The following RASSF8 variants were observed in gnomAD, a reference collection of about 807,000 sequenced individuals.
The protein encoded by RASSF8 is ras association domain-containing protein 8.
RASSF8 carries 22 observed loss-of-function variants against 48.5 expected under a neutral mutation model. The observed-to-expected ratio is 0.45, with a 90% CI of 0.32 to 0.65. The LOEUF is 0.65. Ranked by LOEUF, RASSF8 falls within the 30% of genes least tolerant of loss-of-function variation. The pLI, the probability that RASSF8 is intolerant of heterozygous loss-of-function variation, is 0.03. For missense variants in RASSF8, 418 were observed against 489.2 expected, an observed-to-expected ratio of 0.85 and a Z score of 1.37; for synonymous variants, 127 against 171.5, an observed-to-expected ratio of 0.74 and a Z score of 2.03.
At chr12:25,991,934 T>G (rs551424332) in intron 1 of RASSF8, among the ~76,000 whole-genome samples, 1 of 152,348 alleles carries the variant, frequency 6.6e-6, no homozygotes, top group South Asian at 2.1e-4. Context: ...TTACCAAAAA[T>G]AATATAATTA....
At chr12:25,984,882 A>AC (rs1941835723) in intron 1 of RASSF8, among the ~76,000 whole-genome samples, 1 of 152,220 alleles carries the variant, frequency 6.6e-6, no homozygotes, top group Non-Finnish European at 1.5e-5. Flanking sequence ...GGCAGGATTA[A>AC]CACAGGCAAT....
intron 1 of RASSF8, among the ~76,000 whole-genome samples, chr12:25,983,707 C>A (rs7975552): frequency 0.065 from 9,848 of 151,606 alleles, 683 homozygotes; most frequent in East Asian, 0.27. Context: ...AGAAAAAAAA[C>A]AAAAAAGCTG....
intron 2 of RASSF8, among the ~76,000 whole-genome samples, chr12:26,011,031 C>T (rs1465955651): frequency 1.3e-5 from 2 of 152,126 alleles, no homozygotes; most frequent in Non-Finnish European, 2.9e-5. Context: ...TTAATTAATC[C>T]CAGGGTTCTG....
At chr12:26,017,051 A>G (rs986823571) in intron 2 of RASSF8, among the ~76,000 whole-genome samples, 2 of 152,320 alleles carry the variant, frequency 1.3e-5, no homozygotes, top group Admixed American at 1.3e-4. Flanking sequence ...AAATGAGGAA[A>G]CATTCTTACT....
chr12:26,033,948 T>C (rs927371447), intron 2 of RASSF8, among the ~76,000 whole-genome samples: 3 of 152,082 alleles, frequency 2.0e-5, no homozygotes, highest in Admixed American at 6.6e-5. Context: ...TTCTGAGTCG[T>C]TGTATGTGCC....
intron 2 of RASSF8, chr12:26,020,088 A>G (rs1565621863): frequency 6.6e-6 from 1 of 152,150 alleles, no homozygotes; most frequent in Non-Finnish European, 1.5e-5. Flanking sequence ...AAAATAAATC[A>G]GTTAAAAATC....
intron 2 of RASSF8, among the ~76,000 whole-genome samples, chr12:26,036,758 A>C (rs1478611428): frequency 1.3e-5 from 2 of 151,912 alleles, no homozygotes; most frequent in Non-Finnish European, 2.9e-5. Context: ...AAAAATAAAA[A>C]ATAAAAAAAT....
intron 1 of RASSF8, among the ~76,000 whole-genome samples, chr12:25,971,602 A>G (rs1002314687): frequency 6.6e-6 from 1 of 152,072 alleles, no homozygotes; most frequent in Non-Finnish European, 1.5e-5. Context: ...GAAGAAAAGT[A>G]TTTTTTCACC....
chr12:26,078,987 A>G lies in RASSF8; in HGVS notation c.1139-46A>G, dbSNP rs376503046. Reference sequence around the variant, plus strand: ...TATGTATACAAAAACAAATTCACCAACCTTAACTCTTTTTTGTTGTTGTGT... The same window carrying G: ...TATGTATACAAAAACAAATTCACCAGCCTTAACTCTTTTTTGTTGTTGTGT... On this transcript the variant is annotated intron_variant, in intron 5 of 5. Coordinates refer to the RASSF8 transcript ENST00000381352. The G allele has an allele frequency of 5.3e-6, 8 of 1,516,764 alleles. No homozygotes were observed. In the African/African-American group the frequency reaches 8.4e-5, roughly 16 times the overall value. 94.0% of individuals were successfully genotyped at this position (1,516,764 alleles called of 1,614,324 possible).
intron 1 of RASSF8, chr12:25,959,700 G>C (rs1420212358): frequency 6.6e-6 from 1 of 152,180 alleles, no homozygotes; most frequent in African/African-American, 2.4e-5. Context: ...TTGCAAACTA[G>C]AAAGTTTGAG....
At chr12:26,073,694 G>T (rs1041284792), downstream of RASSF8, among the ~76,000 whole-genome samples, 1 of 150,614 alleles carries the variant, frequency 6.6e-6, no homozygotes, top group Admixed American at 6.6e-5. Flanking sequence ...AGCCGAGATC[G>T]CACCACTGCA....
At chr12:25,975,753 G>A (rs1390811388) in intron 1 of RASSF8, among the ~76,000 whole-genome samples, 2 of 152,172 alleles carry the variant, frequency 1.3e-5, no homozygotes, top group African/African-American at 4.8e-5. Flanking sequence ...TATTTAGAAG[G>A]TAGTACACGC....
chr12:26,075,322 G>A (rs576739875), downstream of RASSF8, among the ~76,000 whole-genome samples: 20 of 152,310 alleles, frequency 1.3e-4, 1 homozygote, highest in African/African-American at 4.6e-4. Flanking sequence ...GTTGGCACAG[G>A]AGCAAGGAAA....
intron 3 of RASSF8, among the ~76,000 whole-genome samples, chr12:26,058,258 G>A (rs928307189): frequency 3.3e-5 from 5 of 152,160 alleles, no homozygotes; most frequent in Admixed American, 1.3e-4. Flanking sequence ...AATTCATCTG[G>A]AGATGACTCC....
intron 1 of RASSF8, among the ~76,000 whole-genome samples, chr12:25,963,112 A>AG (rs1941275349): frequency 6.6e-6 from 1 of 152,162 alleles, no homozygotes; most frequent in African/African-American, 2.4e-5. Context: ...CATCAAAGGA[A>AG]GATTGGGAAA....
intron 2 of RASSF8, among the ~76,000 whole-genome samples, chr12:26,037,120 C>T (rs193012443): frequency 1.3e-5 from 2 of 152,194 alleles, no homozygotes; most frequent in East Asian, 1.9e-4. Context: ...CTATAAAAGC[C>T]GTAAAGATTA....
intron 5 of RASSF8, 43 bp downstream of exon 5, chr12:26,067,756 CT>C: frequency 6.2e-7 from 1 of 1,607,638 alleles, no homozygotes. Flanking sequence ...TTTATTCTCA[CT>C]GCTTAACTTT....
intron 1 of RASSF8, among the ~76,000 whole-genome samples, chr12:25,960,145 C>G (rs1022152269): frequency 1.1e-4 from 17 of 151,990 alleles, no homozygotes; most frequent in African/African-American, 4.1e-4. Flanking sequence ...CTGCTTTGTC[C>G]CCAGGAAGCA....
intron 3 of RASSF8, among the ~76,000 whole-genome samples, chr12:26,056,829 AAATT>A (rs1943613342): frequency 6.6e-6 from 1 of 152,228 alleles, no homozygotes; most frequent in African/African-American, 2.4e-5. Context: ...AAAGAGGAGA[AAATT>A]AAGGCATTTA....
Sources: gnomAD v4.1 joint callset for allele counts (sites outside exome capture counted in the v4.1 genomes callset) on GRCh38, gnomAD v4.1.1 for gene constraint, MANE v1.5 for transcripts, NCBI Gene and HGNC (gene_info 2026-07-23, HGNC 2026-07-21) for gene names.